The following SACS variants were observed in gnomAD, a reference collection of about 807,000 sequenced individuals.
SACS encodes sacsin.
In SACS, 197 loss-of-function variants were observed where a neutral mutation model predicts 348.0. The observed-to-expected ratio is 0.57, with a 90% CI of 0.50 to 0.64. The LOEUF is 0.64. Ranked by LOEUF, SACS falls within the 30% of genes least tolerant of loss-of-function variation. SACS has a pLI of 0.00. For synonymous variants in SACS, 1,985 were observed against 1,910.6 expected (o/e 1.04, Z -1.02); for missense variants, 4,999 against 5,360.8 (o/e 0.93, Z 2.11).
At position 23,332,023 on chromosome 13, in the gene SACS, T is replaced by C. The variant is rs1883510768; in HGVS notation, c.11853A>G (p.Leu3951=). ...TAGTGTGAAATCCATGGTCTTTCCCTAAGTAGCACTGGCTGAGATCAACTA... is the reference window on the plus strand; with the variant it reads ...TAGTGTGAAATCCATGGTCTTTCCCCAAGTAGCACTGGCTGAGATCAACTA... ...QMLVDLSQCY[L]GKDHGFHTKL... The change falls in exon 10 of 10, where the codon TTA becomes TTG. Residue 3951 remains leucine, a synonymous_variant. Transcript: ENST00000382292. The C allele has an allele frequency of 1.2e-6, 2 of 1,614,114 alleles. No individual in the cohort carries two copies. The highest frequency in any genetic ancestry group is 1.3e-5 in the African/African-American group (1 of 75,046).
At position 23,375,182 on chromosome 13, in the gene SACS, T is replaced by C. The variant is rs2137840633; in HGVS notation, c.108A>G (p.Glu36=). The C allele has an allele frequency of 6.6e-7, 1 of 1,505,850 alleles. No individual in the cohort carries two copies. 93.3% of individuals were successfully genotyped at this position (1,505,850 alleles called of 1,614,324 possible). A position where few individuals can be genotyped will look rare whatever the true frequency, so the allele number is the denominator to read the frequency against. ...LASWTVRDVK[E]RIFAETGFPV... ...GGAAGCCAGTCTCCGCGAAGATACG[T>C]TCCTTCACATCGCGCACGGTCCAGG... Residue 36 remains glutamate, a synonymous_variant, in exon 3 of 10, where the codon GAA becomes GAG. Coordinates refer to ENST00000382292, the MANE Select transcript of SACS (RefSeq NM_014363.6).
At position 23,371,583 on chromosome 13, in the gene SACS, T is replaced by C. The variant is rs1315646865; in HGVS notation, c.172-418A>G. 3.3e-5 allele frequency among the ~76,000 whole-genome samples: 5 copies of C among 152,326 alleles called. No homozygotes were observed. In the East Asian group the frequency reaches 5.8e-4, roughly 18 times the overall value. ...AAATTAGTTTAGATGAATAATAATA[T>C]GATTGCATAAAATAAGCTGGCTCTA... On this transcript the variant is annotated intron_variant, in intron 3 of 9. Coordinates refer to ENST00000382292, the MANE Select transcript of SACS (RefSeq NM_014363.6).
At chr13:23,373,115 C>CT (rs1441345728) in intron 3 of SACS, among the ~76,000 whole-genome samples, 1 of 152,108 alleles carries the variant, frequency 6.6e-6, no homozygotes, top group Non-Finnish European at 1.5e-5. Flanking sequence ...GTGACCACAT[C>CT]TAGGGGACAA....
At chr13:23,354,112 TA>T (rs1480174652) in intron 8 of SACS, among the ~76,000 whole-genome samples, 3 of 152,236 alleles carry the variant, frequency 2.0e-5, no homozygotes, top group Non-Finnish European at 4.4e-5. Context: ...CATCTTACAG[TA>T]AAATTAATTT....
chr13:23,431,645 C>T (rs548530974), intron 1 of SACS, among the ~76,000 whole-genome samples: 1 of 152,316 alleles, frequency 6.6e-6, no homozygotes, highest in South Asian at 2.1e-4. Context: ...ATCATCACTG[C>T]TGCTGTCTTA....
At chr13:23,399,136 T>G (rs1872844892) in intron 2 of SACS, among the ~76,000 whole-genome samples, 1 of 150,934 alleles carries the variant, frequency 6.6e-6, no homozygotes, top group Non-Finnish European at 1.5e-5. Flanking sequence ...AAAAAACACC[T>G]AAATCTAAAC....
chr13:23,341,456 A>G lies in SACS; in HGVS notation c.2420T>C (p.Ile807Thr). The change falls in exon 10 of 10, where the codon ATA becomes ACA. Residue 807 changes from isoleucine (I) to threonine (T), a missense_variant. Around this residue, in one of 6 missense-constraint regions of SACS, gnomAD observed 3,156 missense variants for 3,380.1 expected, o/e 0.93. Coordinates refer to ENST00000382292, the MANE Select transcript of SACS (RefSeq NM_014363.6). The part of the protein sequence containing the change: ...FDEMPLIPRT[I>T]LEEGQTCVEL... ...CACACATGTCTGACCTTCCTCTAGT[A>G]TAGTTCTGGGGATAAGTGGCATCTC... 2 of 1,614,090 alleles carry G rather than the reference A, an allele frequency of 1.2e-6. No individual in the cohort carries two copies. Among genetic ancestry groups the G allele is most frequent in the Non-Finnish European group, 1.7e-6 (2 of 1,179,992 alleles).
chr13:23,418,130 T>G (rs1374510194), intron 1 of SACS, among the ~76,000 whole-genome samples: 1 of 150,628 alleles, frequency 6.6e-6, no homozygotes. Context: ...GCAAGCTATA[T>G]AAAATAGAAG....
Position 23,353,651 on chromosome 13 carries a change from A to G in SACS, c.2185+134T>C, listed in dbSNP as rs45624937. 6.0e-3 allele frequency: 3,691 copies of G among 619,242 alleles called. 20 individuals carry two copies. Among genetic ancestry groups the G allele is most frequent in the Non-Finnish European group, 8.4e-3 (2,927 of 346,862 alleles). 38.4% of individuals were successfully genotyped at this position (619,242 alleles called of 1,614,324 possible). A position where few individuals can be genotyped will look rare whatever the true frequency, so the allele number is the denominator to read the frequency against. On this transcript the variant is annotated intron_variant, in intron 9 of 9. Coordinates refer to ENST00000382292, the MANE Select transcript of SACS (RefSeq NM_014363.6). ...GCCATTCTGGCAACTGAAATATCTT[A>G]AAACACAAAAAGTTTATTAGCTTGA...
chr13:23,424,826 C>T (rs903796875), intron 1 of SACS, among the ~76,000 whole-genome samples: 11 of 152,146 alleles, frequency 7.2e-5, no homozygotes, highest in African/African-American at 2.7e-4. Flanking sequence ...CTGAATGGAA[C>T]CTGAGTTTCC....
At chr13:23,424,508 A>G (rs966190310) in intron 1 of SACS, among the ~76,000 whole-genome samples, 1 of 150,996 alleles carries the variant, frequency 6.6e-6, no homozygotes, top group African/African-American at 2.4e-5. Context: ...CTGGGCAACA[A>G]GTGGGAAACT....
chr13:23,410,637 AAAG>A (rs376864882), intron 2 of SACS, among the ~76,000 whole-genome samples: 305 of 152,330 alleles, frequency 2.0e-3, no homozygotes, highest in African/African-American at 6.8e-3. Context: ...CTTAAGAAAA[AAAG>A]AAGCACATAC....
chr13:23,389,157 CAT>C (rs887490817), intron 2 of SACS, among the ~76,000 whole-genome samples: 1 of 151,460 alleles, frequency 6.6e-6, no homozygotes, highest in African/African-American at 2.4e-5. Flanking sequence ...TTAGCTAAAA[CAT>C]ATATGTGTGT....
At chr13:23,346,968 A>T (rs1321258049) in intron 9 of SACS, 6 of 192,700 alleles carry the variant, frequency 3.1e-5, no homozygotes, top group African/African-American at 1.4e-4. Flanking sequence ...TGTAAAAGAA[A>T]ACCCAGAAAC....
chr13:23,361,070 G>C (rs1870705190), intron 6 of SACS, among the ~76,000 whole-genome samples: 1 of 152,018 alleles, frequency 6.6e-6, no homozygotes, highest in Non-Finnish European at 1.5e-5. Context: ...TTGACTGTCA[G>C]AACTGCTGTC....
Position 23,338,426 on chromosome 13 carries a change from G to A in SACS, c.5450C>T (p.Thr1817Met), listed in dbSNP as rs898102157. 7 of 1,614,040 alleles carry A rather than the reference G, an allele frequency of 4.3e-6. No individual in the cohort carries two copies. Among genetic ancestry groups the A allele is most frequent in the Non-Finnish European group, 5.9e-6 (7 of 1,179,992 alleles). ...GTCCATGCAAGTACACAGAAGCCAC[G>A]TGGTACACTCTACTGTTTTCTGTGA... ...ELSQKTVECT[T>M]WLLCTCMDTG... The change falls in exon 10 of 10, where the codon ACG (threonine) becomes ATG (methionine). Residue 1817 changes from threonine (T) to methionine (M), a missense_variant. By Grantham distance (81) the Thr-to-Met change is moderately conservative. Transcript: ENST00000382292.
chr13:23,335,531 G>C lies in SACS; in HGVS notation c.8345C>G (p.Ala2782Gly), dbSNP rs61742500. Residue 2782 changes from alanine (A) to glycine (G), a missense_variant, in exon 10 of 10, where the codon GCA becomes GGA. By Grantham distance (60) the Ala-to-Gly change is moderately conservative (BLOSUM62 0). This residue lies in a region of SACS where 3,156 missense variants were observed against 3,380.1 expected (regional missense o/e 0.93). Coordinates refer to ENST00000382292, the MANE Select transcript of SACS (RefSeq NM_014363.6). The surrounding 1 kb of genome is among the most constrained non-coding windows in gnomAD (Gnocchi z 4.7). ...GDRLKRKQFH[A>G]SVIDSVTKKR... ...TTTAGTAACACTATCAATTACAGAT[G>C]CATGAAATTGTTTCCTTTTCAATCT... The C allele has an allele frequency of 6.2e-7, 1 of 1,613,616 alleles. No homozygotes were observed. Among genetic ancestry groups the C allele is most frequent in the East Asian group, 2.2e-5 (1 of 44,874 alleles).
chr13:23,342,435 A>G (rs1013156739), intron 9 of SACS, among the ~76,000 whole-genome samples: 7 of 152,258 alleles, frequency 4.6e-5, no homozygotes, highest in African/African-American at 1.7e-4. Context: ...AACCCCAATA[A>G]AGGCTGAGTA....
chr13:23,375,475 G>A, intron 2 of SACS: 3 of 1,161,570 alleles, frequency 2.6e-6, no homozygotes, highest in Non-Finnish European at 3.2e-6. Flanking sequence ...TCCGCATGGC[G>A]CAGTCCCGTA....
Sources: allele counts gnomAD v4.1 joint callset (sites outside exome capture counted in the v4.1 genomes callset), GRCh38; gene constraint gnomAD v4.1.1; regional missense constraint gnomAD v4.1.1; non-coding constraint Gnocchi (gnomAD v3.1); transcripts MANE v1.5; gene names NCBI Gene and HGNC (gene_info 2026-07-23, HGNC 2026-07-21).